The following KAZN variants were observed in gnomAD, a reference collection of about 807,000 sequenced individuals.
The protein encoded by KAZN is kazrin, periplakin interacting protein.
Under a neutral mutation model 87.4 loss-of-function variants are expected in KAZN, and 40 were observed. The observed-to-expected ratio is 0.46, with a 90% CI of 0.36 to 0.60. The LOEUF (loss-of-function observed/expected upper bound fraction) is 0.60, where lower values mean the gene tolerates loss of function less well. Among genes scored for constraint, KAZN ranks in the 20% least tolerant of loss-of-function variants. The probability of loss-of-function intolerance (pLI) is 0.00; values close to 1 mark genes in which losing one functional copy is unlikely to be tolerated. For synonymous variants in KAZN, 466 were observed against 458.3 expected (o/e 1.02, Z -0.22); for missense variants, 898 against 1,073.9 (o/e 0.84, Z 2.29).
At chr1:14,492,818 A>G (rs1308609474) in intron 2 of KAZN, among the ~76,000 whole-genome samples, 7 of 148,582 alleles carry the variant, frequency 4.7e-5, no homozygotes, top group African/African-American at 1.7e-4. Context: ...TCACACATAT[A>G]CCGCCCATAT....
At chr1:14,206,061 C>T (rs929677026) in intron 2 of KAZN, among the ~76,000 whole-genome samples, 5 of 151,934 alleles carry the variant, frequency 3.3e-5, no homozygotes, top group Admixed American at 2.6e-4. Context: ...GATAGGTAAA[C>T]ATTACTGCAT....
chr1:14,715,410 G>A (rs1048174442), intron 1 of KAZN, among the ~76,000 whole-genome samples: 7 of 152,218 alleles, frequency 4.6e-5, no homozygotes, highest in Non-Finnish European at 1.0e-4. Context: ...AAAATGAGGT[G>A]ACACTTGGCA....
chr1:14,968,111 C>T (rs1281909607), intron 2 of KAZN, among the ~76,000 whole-genome samples: 1 of 151,832 alleles, frequency 6.6e-6, no homozygotes, highest in African/African-American at 2.4e-5. Flanking sequence ...TACAATTCAC[C>T]CTAATGTAGA....
At chr1:14,812,818 G>A (rs1646453408) in intron 1 of KAZN, among the ~76,000 whole-genome samples, 1 of 152,142 alleles carries the variant, frequency 6.6e-6, no homozygotes, top group African/African-American at 2.4e-5. Context: ...CCAGACTTAA[G>A]CTTGATTTGT....
At chr1:15,026,327 G>A (rs1168092722) in intron 2 of KAZN, among the ~76,000 whole-genome samples, 2 of 152,196 alleles carry the variant, frequency 1.3e-5, no homozygotes, top group Non-Finnish European at 2.9e-5. Flanking sequence ...AGGTGGAGAC[G>A]ATCATGCACA....
rs544322417 is a variant in KAZN at position 14,184,591 on chromosome 1, T to A, written c.249+3999T>A. ...GCCAGGATCAGACACTGCATAGGAT[T>A]TGGGTGGCTTCGTTTTTCTTTTCTC... is the stretch of plus-strand genomic sequence containing the variant. On this transcript the variant is annotated intron_variant, in intron 2 of 16. Coordinates refer to the KAZN transcript ENST00000636203. This position sits in a 1 kb window ranked among gnomAD's most constrained non-coding sequence, Gnocchi z 4.2. 6.6e-6 allele frequency among the ~76,000 whole-genome samples: 1 copy of A among 152,188 alleles called. No homozygotes were observed. The highest frequency in any genetic ancestry group is 2.1e-4 in the South Asian group (1 of 4,814).
At chr1:14,806,779 A>G (rs1232299543) in intron 1 of KAZN, among the ~76,000 whole-genome samples, 2 of 152,194 alleles carry the variant, frequency 1.3e-5, no homozygotes, top group African/African-American at 2.4e-5. Flanking sequence ...CTCTGCTCCA[A>G]GGTTTGGAGC....
intron 2 of KAZN, among the ~76,000 whole-genome samples, chr1:14,422,035 A>G (rs1376466518): frequency 6.6e-6 from 1 of 152,238 alleles, no homozygotes. Context: ...TGAGATTTGG[A>G]AAGTCTGTCT....
chr1:14,440,140 C>G (rs1666615297), intron 2 of KAZN, among the ~76,000 whole-genome samples: 1 of 152,234 alleles, frequency 6.6e-6, no homozygotes, highest in African/African-American at 2.4e-5. Context: ...GTCTAGTTCA[C>G]TGCATGTCCC....
chr1:14,511,330 A>G (rs149482782), intron 2 of KAZN, among the ~76,000 whole-genome samples: 1 of 152,206 alleles, frequency 6.6e-6, no homozygotes, highest in Non-Finnish European at 1.5e-5. Flanking sequence ...TAAGAGAGAC[A>G]CATATTGGAG....
At chr1:14,639,657 T>A (rs16850651) in intron 1 of KAZN, among the ~76,000 whole-genome samples, 1 of 152,120 alleles carries the variant, frequency 6.6e-6, no homozygotes. Context: ...TCAGCAATTT[T>A]TTTTTTTACC....
chr1:14,470,793 C>G (rs1311180683), intron 2 of KAZN, among the ~76,000 whole-genome samples: 1 of 152,198 alleles, frequency 6.6e-6, no homozygotes, highest in Non-Finnish European at 1.5e-5. Context: ...GATGGCTCCC[C>G]AAGACCCCTG....
chr1:14,682,062 C>T (rs116203955), intron 1 of KAZN, among the ~76,000 whole-genome samples: 2,899 of 152,094 alleles, frequency 0.019, 99 homozygotes, highest in African/African-American at 0.066. Context: ...TCATCACTAT[C>T]CATCTCCAGA....
At chr1:14,682,935 A>G (rs977926548) in intron 1 of KAZN, among the ~76,000 whole-genome samples, 17 of 152,196 alleles carry the variant, frequency 1.1e-4, no homozygotes, top group Admixed American at 5.9e-4. Context: ...TCTGTTAAAA[A>G]TCCTCTCTCC....
At chr1:15,059,567 C>T (rs1638603615) in intron 5 of KAZN, among the ~76,000 whole-genome samples, 1 of 152,068 alleles carries the variant, frequency 6.6e-6, no homozygotes, top group South Asian at 2.1e-4. Flanking sequence ...CATGGTCTTC[C>T]AGGCGAGAGT....
At chr1:14,505,877 G>T (rs190501224) in intron 2 of KAZN, among the ~76,000 whole-genome samples, 9 of 152,272 alleles carry the variant, frequency 5.9e-5, no homozygotes, top group African/African-American at 4.8e-5. Flanking sequence ...GGGAGGATGA[G>T]GCAGGAGAAT....
At chr1:14,558,156 G>A (rs1177562441) in intron 2 of KAZN, among the ~76,000 whole-genome samples, 1 of 152,202 alleles carries the variant, frequency 6.6e-6, no homozygotes, top group African/African-American at 2.4e-5. Flanking sequence ...AAATTCTGCA[G>A]AGAAGGCCCA....
intron 1 of KAZN, among the ~76,000 whole-genome samples, chr1:14,010,953 T>C (rs573746682): frequency 1.3e-5 from 2 of 152,322 alleles, no homozygotes; most frequent in Admixed American, 1.3e-4. Flanking sequence ...GCTTCCCCTT[T>C]TTTTTTGGAC....
intron 2 of KAZN, among the ~76,000 whole-genome samples, chr1:14,214,590 A>G (rs1301735094): frequency 2.0e-5 from 3 of 152,214 alleles, no homozygotes; most frequent in Non-Finnish European, 4.4e-5. Flanking sequence ...GGACATGAAA[A>G]TAGTAGAATT....
Sources: gnomAD v4.1 joint callset for allele counts (sites outside exome capture counted in the v4.1 genomes callset) on GRCh38, gnomAD v4.1.1 for gene constraint, Gnocchi (gnomAD v3.1) non-coding constraint, MANE v1.5 for transcripts, NCBI Gene and HGNC (gene_info 2026-07-23, HGNC 2026-07-21) for gene names.